The following DBX2 variants were observed in gnomAD, a reference collection of about 807,000 sequenced individuals.
DBX2 encodes the protein homeobox protein DBX2.
DBX2 carries 16 observed loss-of-function variants against 17.7 expected under a neutral mutation model. The ratio of observed to expected loss-of-function variants is 0.90; its 90% CI spans 0.61 to 1.37. The LOEUF is 1.37. Among genes scored for constraint, DBX2 ranks in the 40% most tolerant of loss-of-function variants. The pLI is 0.00. For missense variants in DBX2, 538 were observed against 433.8 expected, an observed-to-expected ratio of 1.24 and a Z score of -2.13; for synonymous variants, 255 against 183.8, an observed-to-expected ratio of 1.39 and a Z score of -3.13.
chr12:45,043,500 A>G (rs993793539), intron 1 of DBX2, among the ~76,000 whole-genome samples: 1 of 152,200 alleles, frequency 6.6e-6, no homozygotes, highest in Non-Finnish European at 1.5e-5. Context: ...TAGAAAGGCC[A>G]AGAAACTTGG....
chr12:45,035,757 T>C (rs1446674028), intron 2 of DBX2, among the ~76,000 whole-genome samples: 1 of 152,138 alleles, frequency 6.6e-6, no homozygotes, highest in Non-Finnish European at 1.5e-5. Flanking sequence ...CCCTCCGAGA[T>C]CTTTTATATC....
intron 2 of DBX2, among the ~76,000 whole-genome samples, chr12:45,033,606 G>A (rs1177795701): frequency 1.3e-5 from 2 of 151,942 alleles, no homozygotes; most frequent in Non-Finnish European, 2.9e-5. Flanking sequence ...GTTATTATTT[G>A]CTGTTAATAC....
chr12:45,018,747 C>A (rs1268629133), intron 3 of DBX2, among the ~76,000 whole-genome samples: 1 of 151,966 alleles, frequency 6.6e-6, no homozygotes, highest in East Asian at 1.9e-4. Context: ...AACCAAGCAT[C>A]TAGGAACAGA....
intron 2 of DBX2, among the ~76,000 whole-genome samples, chr12:45,025,102 T>C (rs1565581570): frequency 6.6e-6 from 1 of 152,232 alleles, no homozygotes; most frequent in African/African-American, 2.4e-5. Context: ...TTATGTTACA[T>C]GGCAAGGGGA....
chr12:45,038,618 G>C (rs1683873604), intron 1 of DBX2, among the ~76,000 whole-genome samples: 1 of 149,132 alleles, frequency 6.7e-6, no homozygotes, highest in African/African-American at 2.5e-5. Context: ...CCCTAAAAGT[G>C]GGAAAATAAA....
chr12:45,042,844 A>G (rs1293997079), intron 1 of DBX2, among the ~76,000 whole-genome samples: 1 of 152,134 alleles, frequency 6.6e-6, no homozygotes, highest in Non-Finnish European at 1.5e-5. Flanking sequence ...AACACCAACA[A>G]GTTGACAGAG....
intron 2 of DBX2, among the ~76,000 whole-genome samples, chr12:45,026,197 C>T (rs1946380693): frequency 6.6e-6 from 1 of 152,142 alleles, no homozygotes; most frequent in African/African-American, 2.4e-5. Context: ...TCTGCCACAG[C>T]CTTGCTTAGC....
At position 45,016,403 on chromosome 12, in the gene DBX2, T is replaced by A. The variant is rs776875672; in HGVS notation, c.903A>T (p.Arg301Ser). ...WRENSPEPSE[R>S]LIQESSGAPP... ...GTGCCCCTGAACTCTCCTGGATTAGTCTTTCTGAAGGTTCTGGAGAATTCT... is the reference window on the plus strand; with the variant it reads ...GTGCCCCTGAACTCTCCTGGATTAGACTTTCTGAAGGTTCTGGAGAATTCT... The change falls in exon 4 of 4, where the codon AGA becomes AGT. Residue 301 changes from arginine to serine, a missense_variant. Arg to Ser is a moderately radical substitution (Grantham distance 110). Transcript: ENST00000332700. 1 of 1,614,028 alleles carries A rather than the reference T, an allele frequency of 6.2e-7. No individual in the cohort carries two copies. The highest frequency in any genetic ancestry group is 8.5e-7 in the Non-Finnish European group (1 of 1,179,968).
chr12:45,021,032 TA>T (rs1285095939), intron 3 of DBX2, among the ~76,000 whole-genome samples: 1 of 152,156 alleles, frequency 6.6e-6, no homozygotes, highest in African/African-American at 2.4e-5. Context: ...ACGTAATTGA[TA>T]TATTTACAAA....
chr12:45,021,433 C>G, intron 3 of DBX2, among the ~76,000 whole-genome samples: 1 of 152,148 alleles, frequency 6.6e-6, no homozygotes, highest in East Asian at 1.9e-4. Context: ...TTTCAAAAGT[C>G]TCTTTTGGGG....
intron 3 of DBX2, among the ~76,000 whole-genome samples, chr12:45,017,397 A>G (rs891229157): frequency 2.6e-5 from 4 of 152,182 alleles, no homozygotes; most frequent in Non-Finnish European, 4.4e-5. Flanking sequence ...ACATTAGCTT[A>G]TGGTCACAAA....
chr12:45,027,677 GA>G (rs1217990630), intron 2 of DBX2, among the ~76,000 whole-genome samples: 2 of 152,128 alleles, frequency 1.3e-5, no homozygotes, highest in African/African-American at 4.8e-5. Context: ...GAAAAAAATT[GA>G]AAAGACAAAA....
intron 1 of DBX2, among the ~76,000 whole-genome samples, chr12:45,040,189 A>C (rs917461367): frequency 3.9e-5 from 6 of 152,084 alleles, no homozygotes; most frequent in African/African-American, 1.4e-4. Context: ...CAGGCAGAAA[A>C]AAGTGAAAAG....
At chr12:45,045,267 A>G (rs1216957347) in intron 1 of DBX2, among the ~76,000 whole-genome samples, 1 of 152,212 alleles carries the variant, frequency 6.6e-6, no homozygotes, top group Non-Finnish European at 1.5e-5. Flanking sequence ...CTTTACTTAG[A>G]GCTTCTTCTA....
intron 1 of DBX2, among the ~76,000 whole-genome samples, chr12:45,047,189 C>T (rs1946504886): frequency 6.6e-6 from 1 of 152,068 alleles, no homozygotes; most frequent in Non-Finnish European, 1.5e-5. Context: ...CTTTTATATA[C>T]AGACATGAAT....
intron 1 of DBX2, among the ~76,000 whole-genome samples, chr12:45,040,702 T>C (rs1443526043): frequency 1.3e-5 from 2 of 152,196 alleles, no homozygotes; most frequent in Non-Finnish European, 2.9e-5. Flanking sequence ...GACTAGATGT[T>C]TCTGTGATAC....
In DBX2 at chr12:45,040,647, T is replaced by C. The variant is rs554456918; in HGVS notation, c.404-4533A>G. Among the ~76,000 whole-genome samples the C allele has an allele frequency of 3.9e-5, 6 of 152,326 alleles. No homozygotes were observed. In the South Asian group the frequency reaches 8.3e-4, roughly 21 times the overall value. ...CATGTTTATTTAAGATGGGAACTTA[T>C]AGCCAACCTAATGGTGAACTAGCCT... On this transcript the variant is annotated intron_variant, in intron 1 of 3. Transcript: ENST00000332700.
rs1054927845 is a variant in DBX2 at position 45,015,217 on chromosome 12, AT to A, written c.*1068del. ...CAAAACATCTGTGTGGTGTTTGTTA[AT>A]ACATAAAAATAACCTGATATATAAA... is the stretch of plus-strand genomic sequence containing the variant. On this transcript the variant is annotated 3_prime_UTR_variant, in exon 4 of 4. Transcript: ENST00000332700. 1 of 152,218 alleles carries A rather than the reference AT, an allele frequency of 6.6e-6. No individual in the cohort carries two copies. Among genetic ancestry groups the A allele is most frequent in the African/African-American group, 2.4e-5 (1 of 41,454 alleles). 9.4% of individuals were successfully genotyped at this position (152,218 alleles called of 1,614,324 possible).
At chr12:45,040,295 G>C (rs1238715694) in intron 1 of DBX2, among the ~76,000 whole-genome samples, 1 of 152,030 alleles carries the variant, frequency 6.6e-6, no homozygotes, top group African/African-American at 2.4e-5. Context: ...GACTCGAACT[G>C]GCTCTCCTTG....
Sources: gnomAD v4.1 joint callset for allele counts (sites outside exome capture counted in the v4.1 genomes callset) on GRCh38, gnomAD v4.1.1 for gene constraint, MANE v1.5 for transcripts, NCBI Gene and HGNC (gene_info 2026-07-23, HGNC 2026-07-21) for gene names.